The following NPAT variants were observed in gnomAD, a reference collection of about 807,000 sequenced individuals.
The protein encoded by NPAT is nuclear protein, coactivator of histone transcription.
In NPAT, 52 loss-of-function variants were observed where a neutral mutation model predicts 130.7. That is an observed-to-expected ratio of 0.40 (90% CI 0.32 to 0.50). NPAT has a LOEUF of 0.50. Ranked by LOEUF, NPAT falls within the 20% of genes least tolerant of loss-of-function variation. NPAT has a pLI of 0.68. For missense variants in NPAT, 1,687 were observed against 1,662.6 expected (o/e 1.01, Z -0.26); for synonymous variants, 580 against 584.8 (o/e 0.99, Z 0.12).
chr11:108,169,796 G>T lies in NPAT; in HGVS notation c.2958C>A (p.Pro986=), dbSNP rs201708655. 1.9e-6 allele frequency: 3 copies of T among 1,613,944 alleles called. No individual in the cohort carries two copies. Among genetic ancestry groups the T allele is most frequent in the Non-Finnish European group, 2.5e-6 (3 of 1,179,864 alleles). The change falls in exon 15 of 18, where the codon CCC becomes CCA. Residue 986 remains proline (P), a synonymous_variant. Coordinates refer to ENST00000278612, the MANE Select transcript of NPAT (RefSeq NM_002519.3). ...GAGCCTTCTGAGATTTTGGAGGGAC[G>T]GGGAATTGAGGGATACTTCTATTGC... is the stretch of plus-strand genomic sequence containing the variant. ...PVCNRSIPQF[P]VPPKSQKAQG...
Position 108,185,274 on chromosome 11 carries a change from A to T in NPAT, c.864T>A (p.Pro288=), listed in dbSNP as rs755137988. 17 of 1,612,544 alleles carry T rather than the reference A, an allele frequency of 1.1e-5. No homozygotes were observed. The highest frequency in any genetic ancestry group is 1.4e-5 in the Non-Finnish European group (17 of 1,179,122). The stretch of plus-strand genomic sequence containing the variant: ...CATCAATTGAAGTCTCTGGCTCCGT[A>T]GGGTTGTTATCTGTTTGCTTAGGTA... ...AQVPKQTDNN[P]TEPETSIDEF... Residue 288 remains proline (P), a synonymous_variant, in exon 10 of 18, where the codon CCT becomes CCA. Coordinates refer to ENST00000278612, the MANE Select transcript of NPAT (RefSeq NM_002519.3).
Position 108,161,568 on chromosome 11 carries a change from C to T in NPAT, c.3518G>A (p.Ser1173Asn). The change falls in exon 17 of 18, where the codon AGC (serine) becomes AAC (asparagine). Residue 1173 changes from serine to asparagine, a missense_variant. By Grantham distance (46) the Ser-to-Asn change is conservative (BLOSUM62 1). This residue lies in a region of NPAT where 1,379 missense variants were observed against 1,346.6 expected (regional missense o/e 1.02). Transcript: ENST00000278612. ...TGGATTTTTCTGTCTTTCTACATCG[C>T]TGCATAATTCATTCTCCTTATTAGC... ...ATANKENELC[S>N]DVERQKNPEN... The T allele has an allele frequency of 1.2e-6, 2 of 1,614,170 alleles. No homozygotes were observed. Among genetic ancestry groups the T allele is most frequent in the Non-Finnish European group, 8.5e-7 (1 of 1,180,034 alleles).
chr11:108,176,421 A>G, intron 11 of NPAT, 47 bp from the exon 12 acceptor site: 1 of 1,303,506 alleles, frequency 7.7e-7, no homozygotes, highest in Non-Finnish European at 1.1e-6. Context: ...AAAACAAAAA[A>G]TAAACATCAA....
At chr11:108,208,757 CAGA>C (rs1484557625) in intron 1 of NPAT, among the ~76,000 whole-genome samples, 1 of 152,066 alleles carries the variant, frequency 6.6e-6, no homozygotes, top group African/African-American at 2.4e-5. Context: ...AACAACTAGG[CAGA>C]AGATCAATAA....
chr11:108,222,102 C>T (rs2078516425), intron 1 of NPAT, among the ~76,000 whole-genome samples: 1 of 152,080 alleles, frequency 6.6e-6, no homozygotes, highest in African/African-American at 2.4e-5. Flanking sequence ...GGGGAACTCC[C>T]TATTTGCCCT....
At chr11:108,176,189 A>G in intron 12 of NPAT, 57 bp downstream of exon 12, 2 of 1,302,508 alleles carry the variant, frequency 1.5e-6, no homozygotes, top group Admixed American at 3.4e-5. Flanking sequence ...CTGCCTTTGA[A>G]TTTTGAGACT....
In NPAT at chr11:108,173,088, A is replaced by G. The variant is rs1157790022; in HGVS notation, c.1896T>C (p.Thr632=). ...ATGCTGAATCATTAGATGGTTGTTTAGTAGAAGACAGCGAATCTCCAAGAT... is the reference window on the plus strand; with the variant it reads ...ATGCTGAATCATTAGATGGTTGTTTGGTAGAAGACAGCGAATCTCCAAGAT... The part of the protein sequence containing the change: ...EIHLGDSLSS[T]KQPSNDSASV... Residue 632 remains threonine, a synonymous_variant, in exon 13 of 18, where the codon ACT becomes ACC. Coordinates refer to ENST00000278612, the MANE Select transcript of NPAT (RefSeq NM_002519.3). The G allele has an allele frequency of 3.7e-6, 6 of 1,614,138 alleles. No homozygotes were observed. The highest frequency in any genetic ancestry group is 1.1e-5 in the South Asian group (1 of 91,088).
intron 12 of NPAT, among the ~76,000 whole-genome samples, chr11:108,175,808 CTT>C (rs1383477410): frequency 6.6e-6 from 1 of 152,168 alleles, no homozygotes; most frequent in Non-Finnish European, 1.5e-5. Flanking sequence ...ATGTTACAGA[CTT>C]TTGAGCAACT....
At chr11:108,188,296 T>C in intron 6 of NPAT, 117 bp from the exon 7 acceptor site, 1 of 788,344 alleles carries the variant, frequency 1.3e-6, no homozygotes, top group Non-Finnish European at 2.2e-6. Context: ...TAACATGTAC[T>C]GAGTGCCTAC....
At chr11:108,167,163 T>C (rs1259216211) in intron 15 of NPAT, among the ~76,000 whole-genome samples, 1 of 152,218 alleles carries the variant, frequency 6.6e-6, no homozygotes, top group Non-Finnish European at 1.5e-5. Flanking sequence ...TGTGTAAAAA[T>C]CACATCATTT....
intron 1 of NPAT, among the ~76,000 whole-genome samples, chr11:108,210,229 T>C (rs528558249): frequency 2.6e-5 from 4 of 152,216 alleles, no homozygotes; most frequent in Admixed American, 2.0e-4. Context: ...AAATGAGTAA[T>C]TCTTAGAAAG....
At chr11:108,200,649 C>T (rs2134879685) in intron 1 of NPAT, among the ~76,000 whole-genome samples, 1 of 152,262 alleles carries the variant, frequency 6.6e-6, no homozygotes, top group African/African-American at 2.4e-5. Flanking sequence ...GGGCTAGAAG[C>T]CATCACTGAT....
intron 6 of NPAT, 73 bp from the exon 7 acceptor site, chr11:108,188,252 G>T: frequency 9.3e-7 from 1 of 1,072,666 alleles, no homozygotes; most frequent in Non-Finnish European, 1.4e-6. Flanking sequence ...GGGATAAAAA[G>T]CATTAGTGAT....
At chr11:108,169,071 T>C (rs1211323019) in intron 15 of NPAT, among the ~76,000 whole-genome samples, 1 of 152,062 alleles carries the variant, frequency 6.6e-6, no homozygotes, top group Admixed American at 6.6e-5. Flanking sequence ...CAACAGAGAC[T>C]AAAAGAAGGG....
chr11:108,179,288 T>C (rs1387579544), intron 10 of NPAT, among the ~76,000 whole-genome samples: 1 of 152,216 alleles, frequency 6.6e-6, no homozygotes, highest in Admixed American at 6.5e-5. Flanking sequence ...TACTTTTTTT[T>C]TGATGGAGTG....
In NPAT at chr11:108,158,921, G is replaced by C. The variant is rs544760764; in HGVS notation, c.*21C>G. On this transcript the variant is annotated 3_prime_UTR_variant, in exon 18 of 18. Coordinates refer to ENST00000278612, the MANE Select transcript of NPAT (RefSeq NM_002519.3). ...GGGATATGAGTTTTTAACACCTACTGTTCTTATGTGTCCAGAATGTTTACT... is the reference window on the plus strand; with the variant it reads ...GGGATATGAGTTTTTAACACCTACTCTTCTTATGTGTCCAGAATGTTTACT... 2.2e-5 allele frequency: 32 copies of C among 1,454,138 alleles called. No individual in the cohort carries two copies. In the East Asian group the frequency reaches 3.4e-4, roughly 16 times the overall value. The allele number at this position is 1,454,138 out of a possible 1,614,324, so 90.1% of individuals were successfully genotyped here. A position where few individuals can be genotyped will look rare whatever the true frequency, so the allele number is the denominator to read the frequency against.
At position 108,180,056 on chromosome 11, in the gene NPAT, G is replaced by A. The variant is rs116690162; in HGVS notation, c.907-2966C>T. The stretch of plus-strand genomic sequence containing the variant: ...ATATAAAGAATTCCAACTGGGCACC[G>A]AGGCTCACACCTATAGTCCTAGCAC... On this transcript the variant is annotated intron_variant, in intron 10 of 17. Coordinates refer to ENST00000278612, the MANE Select transcript of NPAT (RefSeq NM_002519.3). Among the ~76,000 whole-genome samples the A allele has an allele frequency of 8.3e-3, 1,260 of 152,270 alleles. 16 individuals carry two copies. The highest frequency in any genetic ancestry group is 0.029 in the African/African-American group (1,188 of 41,542).
intron 15 of NPAT, among the ~76,000 whole-genome samples, chr11:108,168,477 A>G (rs2077920731): frequency 6.6e-6 from 1 of 152,210 alleles, no homozygotes; most frequent in African/African-American, 2.4e-5. Flanking sequence ...CTACATCAAT[A>G]GATGTATACT....
At chr11:108,171,026 C>T (rs938194915) in intron 13 of NPAT, 2 of 150,670 alleles carry the variant, frequency 1.3e-5, no homozygotes, top group African/African-American at 4.9e-5. Flanking sequence ...CTCTGAGGAA[C>T]ATACAATAAA....
Sources: gnomAD v4.1 joint callset for allele counts (sites outside exome capture counted in the v4.1 genomes callset) on GRCh38, gnomAD v4.1.1 for gene constraint, gnomAD v4.1.1 regional missense constraint, MANE v1.5 for transcripts, NCBI Gene and HGNC (gene_info 2026-07-23, HGNC 2026-07-21) for gene names.